The following LEF1 variants were observed in gnomAD, a reference collection of about 807,000 sequenced individuals.
The protein encoded by LEF1 is lymphoid enhancer binding factor 1, also known as lymphoid enhancer-binding factor 1.
Under a neutral mutation model 51.2 loss-of-function variants are expected in LEF1, and 14 were observed. The ratio of observed to expected loss-of-function variants is 0.27; its 90% CI spans 0.18 to 0.43. The LOEUF (loss-of-function observed/expected upper bound fraction) is 0.43, where lower values mean the gene tolerates loss of function less well. Ranked by LOEUF, LEF1 falls within the 20% of genes least tolerant of loss-of-function variation. LEF1 has a pLI of 1.00. For synonymous variants in LEF1, 185 were observed against 183.2 expected (o/e 1.01, Z -0.08); for missense variants, 386 against 512.0 (o/e 0.75, Z 2.37).
rs755342278 is a variant in LEF1, at chr4:108,166,274, C to T, written c.214-1111G>A. 204 of 1,536,132 alleles carry T rather than the reference C, an allele frequency of 1.3e-4. No individual in the cohort carries two copies. The Admixed American group carries it at 3.2e-3, about 24-fold the overall frequency. ...AGCCTTTCAAAATTCGTACTCACCT[C>T]TGCCATTGGGATAGAGAAGGCAGAT... On this transcript the variant is annotated intron_variant, in intron 1 of 11. Transcript: ENST00000265165.
At chr4:108,134,131 C>CATTA (rs1357012115) in intron 3 of LEF1, among the ~76,000 whole-genome samples, 1 of 145,492 alleles carries the variant, frequency 6.9e-6, no homozygotes, top group Non-Finnish European at 1.5e-5. Context: ...AATAACTTCA[C>CATTA]ATTAATTAAA....
chr4:108,081,928 C>A (rs1427743040), intron 5 of LEF1, among the ~76,000 whole-genome samples: 1 of 152,162 alleles, frequency 6.6e-6, no homozygotes. Flanking sequence ...TTTATCCCAT[C>A]CCCTCTCCCA....
intron 3 of LEF1, among the ~76,000 whole-genome samples, chr4:108,156,676 A>C (rs1365398073): frequency 6.6e-6 from 1 of 152,226 alleles, no homozygotes; most frequent in Admixed American, 6.5e-5. Context: ...GTAACTGATT[A>C]CTAGATGATT....
intron 8 of LEF1, among the ~76,000 whole-genome samples, chr4:108,072,447 G>A (rs1458753100): frequency 1.3e-5 from 2 of 152,234 alleles, no homozygotes; most frequent in Non-Finnish European, 1.5e-5. Flanking sequence ...CCCACCAGAA[G>A]GGTAACAGAG....
At chr4:108,061,438 A>T (rs927201804) in intron 11 of LEF1, among the ~76,000 whole-genome samples, 4 of 152,152 alleles carry the variant, frequency 2.6e-5, no homozygotes, top group African/African-American at 9.7e-5. Flanking sequence ...ATCGACTACC[A>T]AACTCTGAAA....
intron 11 of LEF1, among the ~76,000 whole-genome samples, chr4:108,053,209 C>T (rs1219155454): frequency 6.6e-6 from 1 of 152,130 alleles, no homozygotes; most frequent in Non-Finnish European, 1.5e-5. Flanking sequence ...TAAAGAGAAA[C>T]AAACGCATAA....
chr4:108,064,217 G>T, intron 10 of LEF1, 119 bp downstream of exon 10: 1 of 630,640 alleles, frequency 1.6e-6, no homozygotes, highest in Non-Finnish European at 2.8e-6. Context: ...AGAAAAAGCA[G>T]AGTTAAAGCA....
intron 3 of LEF1, among the ~76,000 whole-genome samples, chr4:108,134,391 T>A (rs1743112895): frequency 6.6e-6 from 1 of 152,204 alleles, no homozygotes; most frequent in Admixed American, 6.5e-5. Flanking sequence ...ATTAACCTAG[T>A]GTAATCAAAG....
chr4:108,166,788 C>A lies in LEF1; in HGVS notation c.213+767G>T, dbSNP rs370815041. 1.1e-5 allele frequency: 11 copies of A among 986,038 alleles called. No individual in the cohort carries two copies. The African/African-American group carries it at 1.2e-4, about 11-fold the overall frequency. 61.1% of individuals were successfully genotyped at this position (986,038 alleles called of 1,614,324 possible). ...TTAAGGCCTGATCCGGTCCCAAACC[C>A]CAAATAAAAGTTGTGGGTTTGTTTC... On this transcript the variant is annotated intron_variant, in intron 1 of 11. Transcript: ENST00000265165.
At chr4:108,088,499 C>T (rs17038591) in intron 4 of LEF1, among the ~76,000 whole-genome samples, 8,381 of 152,184 alleles carry the variant, frequency 0.055, 777 homozygotes, top group African/African-American at 0.19. Context: ...AACTCGTACC[C>T]GTACACATCA....
chr4:108,118,403 T>C (rs1030354444), intron 3 of LEF1, among the ~76,000 whole-genome samples: 4 of 152,236 alleles, frequency 2.6e-5, no homozygotes, highest in Non-Finnish European at 5.9e-5. Flanking sequence ...AAAAATGATT[T>C]TGAGTGCGAA....
chr4:108,072,492 A>C lies in LEF1; in HGVS notation c.1009-1722T>G, dbSNP rs574941691. 2.6e-5 allele frequency among the ~76,000 whole-genome samples: 4 copies of C among 152,384 alleles called. No homozygotes were observed. In the South Asian group the frequency reaches 8.3e-4, roughly 32 times the overall value. On this transcript the variant is annotated intron_variant, in intron 8 of 11. Transcript: ENST00000265165. ...TTTGAAAGCCCCTTAAAAGTCAGGC[A>C]GTCTGTGCTGAAGAGGATAGATGAT...
At chr4:108,052,945 C>A (rs1018661875) in intron 11 of LEF1, among the ~76,000 whole-genome samples, 60 of 152,236 alleles carry the variant, frequency 3.9e-4, no homozygotes, top group Non-Finnish European at 6.0e-4. Context: ...GACACTGAGG[C>A]TACCTGAAGT....
chr4:108,128,591 T>C (rs1287577516), intron 3 of LEF1, among the ~76,000 whole-genome samples: 1 of 152,156 alleles, frequency 6.6e-6, no homozygotes, highest in Admixed American at 6.5e-5. Context: ...TTACTTATTT[T>C]AAGGCTGATT....
intron 3 of LEF1, among the ~76,000 whole-genome samples, chr4:108,135,593 G>C (rs1743211536): frequency 6.6e-6 from 1 of 152,182 alleles, no homozygotes; most frequent in East Asian, 1.9e-4. Flanking sequence ...GTACAGTGCT[G>C]TGTCTGCTAG....
chr4:108,050,629 C>T (rs1024992633), intron 11 of LEF1, among the ~76,000 whole-genome samples: 3 of 152,174 alleles, frequency 2.0e-5, no homozygotes, highest in African/African-American at 2.4e-5. Flanking sequence ...AAGGCTTGGT[C>T]CAGGTTGCTC....
chr4:108,072,591 C>T (rs1738560567), intron 8 of LEF1, among the ~76,000 whole-genome samples: 2 of 152,034 alleles, frequency 1.3e-5, no homozygotes, highest in Non-Finnish European at 2.9e-5. Context: ...TTGCCCTGAG[C>T]CTAAAGCAAA....
intron 3 of LEF1, among the ~76,000 whole-genome samples, chr4:108,130,212 A>C (rs937382847): frequency 6.6e-6 from 1 of 152,358 alleles, no homozygotes; most frequent in South Asian, 2.1e-4. Context: ...AGAGGAGGAC[A>C]GATGATAACA....
At chr4:108,080,134 T>C (rs916804401) in intron 6 of LEF1, among the ~76,000 whole-genome samples, 6 of 152,206 alleles carry the variant, frequency 3.9e-5, no homozygotes, top group African/African-American at 1.4e-4. Flanking sequence ...AGATCTCATC[T>C]TATGGAAAAC....
Sources: allele counts gnomAD v4.1 joint callset (sites outside exome capture counted in the v4.1 genomes callset), GRCh38; gene constraint gnomAD v4.1.1; transcripts MANE v1.5; gene names NCBI Gene and HGNC (gene_info 2026-07-23, HGNC 2026-07-21).